The following TSHR variants were observed in gnomAD, a reference collection of about 807,000 sequenced individuals.
TSHR encodes the protein thyroid stimulating hormone receptor.
Under a neutral mutation model 64.1 loss-of-function variants are expected in TSHR, and 51 were observed. That is an observed-to-expected ratio of 0.80 (90% confidence interval 0.64 to 1.01). The LOEUF (loss-of-function observed/expected upper bound fraction) is 1.01, where lower values mean the gene tolerates loss of function less well. TSHR is among the 50% of genes least tolerant of loss of function. TSHR has a pLI of 0.00. For missense variants in TSHR, 877 were observed against 942.8 expected (o/e 0.93, Z 0.91); for synonymous variants, 361 against 361.9 (o/e 1.00, Z 0.03).
rs1555368353 is a variant in TSHR at position 80,978,130 on chromosome 14, CAT to C, written c.170+22281_170+22282del. Among the ~76,000 whole-genome samples, 150 of 138,360 alleles carry C rather than the reference CAT, an allele frequency of 1.1e-3. 2 individuals carry two copies. The highest frequency in any genetic ancestry group is 3.7e-3 in the Middle Eastern group (1 of 272). The allele number at this position is 138,360 out of a possible 152,430, so 90.8% of individuals were successfully genotyped here. On this transcript the variant is annotated intron_variant, in intron 1 of 9. Transcript: ENST00000298171. ...ACACACACACACACACACACACACA[CAT>C]GCATGTGCACTTTTCTAAAGCATGA...
chr14:81,048,308 GT>G, intron 1 of TSHR, among the ~76,000 whole-genome samples: 1 of 152,062 alleles, frequency 6.6e-6, no homozygotes, highest in Middle Eastern at 3.2e-3. Context: ...AGGTCGTTTT[GT>G]TATAATGTTG....
chr14:81,008,442 G>A (rs985946190), intron 1 of TSHR, among the ~76,000 whole-genome samples: 2 of 152,032 alleles, frequency 1.3e-5, no homozygotes, highest in Non-Finnish European at 2.9e-5. Flanking sequence ...AAAGTGCTGG[G>A]ATTACAGGCG....
chr14:81,081,605 A>G (rs1420621691), intron 3 of TSHR, among the ~76,000 whole-genome samples: 1 of 152,220 alleles, frequency 6.6e-6, no homozygotes, highest in East Asian at 1.9e-4. Flanking sequence ...TGAAATTAAT[A>G]CTTGATGTCA....
chr14:81,036,524 G>T (rs1217155793), intron 1 of TSHR, among the ~76,000 whole-genome samples: 6 of 152,120 alleles, frequency 3.9e-5, no homozygotes, highest in Non-Finnish European at 8.8e-5. Flanking sequence ...AAATGAAGGA[G>T]AAATAGTGTT....
At chr14:81,142,892 G>A in intron 9 of TSHR, 48 bp from the exon 10 acceptor site, 3 of 1,563,722 alleles carry the variant, frequency 1.9e-6, no homozygotes, top group Non-Finnish European at 2.6e-6. Context: ...TTACAGTCAT[G>A]AGCCACTGCG....
intron 1 of TSHR, chr14:80,993,881 A>C (rs568090437): frequency 6.6e-6 from 1 of 152,012 alleles, no homozygotes; most frequent in Non-Finnish European, 1.5e-5. Context: ...TACCATTTCT[A>C]TACAGTTGAC....
Position 81,088,008 on chromosome 14 carries a change from G to T in TSHR, c.372G>T (p.Glu124Asp), listed in dbSNP as rs146496347. Residue 124 changes from glutamate to aspartate, a missense_variant, in exon 4 of 10, where the codon GAG (glutamate) becomes GAT (aspartate). By Grantham distance (45) the Glu-to-Asp change is conservative (BLOSUM62 2). Transcript: ENST00000298171. ...ACATAGACCCTGATGCCCTCAAAGA[G>T]CTCCCCCTCCTAAAGTTCCTGTAAG... is the stretch of plus-strand genomic sequence containing the variant. ...LTYIDPDALK[E>D]LPLLKFLGIF... is the part of the protein sequence containing the mutation. 4.6e-5 allele frequency: 74 copies of T among 1,613,600 alleles called. No individual in the cohort carries two copies. The highest frequency in any genetic ancestry group is 6.0e-5 in the Non-Finnish European group (71 of 1,179,706).
rs375401458 is a variant in TSHR at position 81,096,256 on chromosome 14, A to C, written c.546-383A>C. Among the ~76,000 whole-genome samples, 11 of 152,292 alleles carry C rather than the reference A, an allele frequency of 7.2e-5. No individual in the cohort carries two copies. The East Asian group carries it at 1.4e-3, about 19-fold the overall frequency. ...CGCATTCAGATGAATGTCTTTCAAA[A>C]TGTTTATCTTAAGAGACTGCAGCTG... is the stretch of plus-strand genomic sequence containing the variant. On this transcript the variant is annotated intron_variant, in intron 6 of 9. Transcript: ENST00000298171.
At chr14:81,063,288 T>C (rs1197558942) in intron 2 of TSHR, among the ~76,000 whole-genome samples, 1 of 152,176 alleles carries the variant, frequency 6.6e-6, no homozygotes, top group African/African-American at 2.4e-5. Flanking sequence ...TCCTATTTTA[T>C]TTTTGCCAGC....
chr14:81,065,993 C>T (rs561750539), intron 2 of TSHR, among the ~76,000 whole-genome samples: 2 of 152,108 alleles, frequency 1.3e-5, no homozygotes, highest in Admixed American at 6.6e-5. Context: ...TGTTTAAATG[C>T]GAAGAAGAAG....
In TSHR at chr14:81,001,688, C is replaced by T. The variant is rs113058279; in HGVS notation, c.170+45838C>T. ...TGGTGGCTTTTCGTACAGGCACACC[C>T]TTGTTGGCCTGGGCAGTTTCACGAG... On this transcript the variant is annotated intron_variant, in intron 1 of 9. Coordinates refer to ENST00000298171, the MANE Select transcript of TSHR (RefSeq NM_000369.5). 1,365 of 501,112 alleles carry T rather than the reference C, an allele frequency of 2.7e-3. 16 individuals carry two copies. The highest frequency in any genetic ancestry group is 0.024 in the African/African-American group (1,229 of 51,476). The allele number at this position is 501,112 out of a possible 1,614,324, so 31.0% of individuals were successfully genotyped here. A position where few individuals can be genotyped will look rare whatever the true frequency, so the allele number is the denominator to read the frequency against.
rs755827808 is a variant in TSHR, at chr14:81,091,144, G to A, written c.467+1G>A. The A allele has an allele frequency of 1.2e-6, 2 of 1,608,982 alleles. No homozygotes were observed. Among genetic ancestry groups the A allele is most frequent in the African/African-American group, 1.3e-5 (1 of 74,712 alleles). ...ATTCCACTGATATATTCTTTATACT[G>A]TAAGTATGCACACATGCCATGTTTG... On this transcript the variant is annotated splice_donor_variant, in intron 5 of 9. Coordinates refer to ENST00000298171, the MANE Select transcript of TSHR (RefSeq NM_000369.5). LOFTEE classifies it high-confidence loss of function.
chr14:81,008,707 C>A (rs954114394), intron 1 of TSHR, among the ~76,000 whole-genome samples: 4 of 152,070 alleles, frequency 2.6e-5, no homozygotes, highest in Non-Finnish European at 5.9e-5. Flanking sequence ...TGTTTTTTAT[C>A]CAACTTCTTA....
intron 1 of TSHR, among the ~76,000 whole-genome samples, chr14:81,021,255 C>G (rs541093890): frequency 2.0e-5 from 3 of 152,082 alleles, no homozygotes; most frequent in Non-Finnish European, 4.4e-5. Flanking sequence ...TCCCCCTTGG[C>G]TGAGGAGTCC....
intron 1 of TSHR, among the ~76,000 whole-genome samples, chr14:80,965,884 T>C (rs1746698293): frequency 6.6e-6 from 1 of 152,216 alleles, no homozygotes; most frequent in African/African-American, 2.4e-5. Flanking sequence ...ATATGTGCTC[T>C]GGATTTTTAT....
intron 1 of TSHR, among the ~76,000 whole-genome samples, chr14:81,043,536 A>G (rs2139850105): frequency 6.6e-6 from 1 of 152,354 alleles, no homozygotes; most frequent in African/African-American, 2.4e-5. Flanking sequence ...ATTCAATGCT[A>G]TTCCCATTAA....
At chr14:81,123,472 G>T (rs1239803289) in intron 8 of TSHR, among the ~76,000 whole-genome samples, 2 of 152,140 alleles carry the variant, frequency 1.3e-5, no homozygotes, top group Admixed American at 1.3e-4. Context: ...TATCAAAACA[G>T]AAGACAGAAA....
chr14:81,087,674 T>G, intron 3 of TSHR: 1 of 420,316 alleles, frequency 2.4e-6, no homozygotes. Flanking sequence ...AGAAAAAAAA[T>G]TCTGATACTA....
chr14:81,041,488 G>A (rs1024922488), intron 1 of TSHR, among the ~76,000 whole-genome samples: 1 of 152,048 alleles, frequency 6.6e-6, no homozygotes, highest in Non-Finnish European at 1.5e-5. Flanking sequence ...TGGACACACA[G>A]AGGGGAACAA....
Sources: allele counts gnomAD v4.1 joint callset (sites outside exome capture counted in the v4.1 genomes callset), GRCh38; gene constraint gnomAD v4.1.1; transcripts MANE v1.5; gene names NCBI Gene and HGNC (gene_info 2026-07-23, HGNC 2026-07-21).